The following CLEC20A variants were observed in gnomAD, a reference collection of about 807,000 sequenced individuals.
CLEC20A encodes putative C-type lectin domain family 20 member A.
At chr1:178,489,894 C>G (rs1035069536) in intron 4 of CLEC20A, among the ~76,000 whole-genome samples, 178 bp downstream of exon 4, 1 of 152,224 alleles carries the variant, frequency 6.6e-6, no homozygotes, top group Non-Finnish European at 1.5e-5. Context: ...ATACAACTTC[C>G]TCACAAGTTT....
chr1:178,492,067 A>G (rs1205873849), intron 3 of CLEC20A, among the ~76,000 whole-genome samples: 5 of 152,086 alleles, frequency 3.3e-5, no homozygotes, highest in African/African-American at 1.2e-4. Flanking sequence ...GTGGATCACT[A>G]GAGCCCAGGA....
chr1:178,486,917 C>A (rs1215330254), intron 5 of CLEC20A: 5 of 397,716 alleles, frequency 1.3e-5, no homozygotes, highest in African/African-American at 1.0e-4. Flanking sequence ...GGCTGGAGGG[C>A]CGCTGGGCCC....
chr1:178,487,018 G>C (rs1301638706), intron 5 of CLEC20A: 3 of 392,934 alleles, frequency 7.6e-6, no homozygotes, highest in Non-Finnish European at 1.3e-5. Flanking sequence ...TGCTGAAGCC[G>C]GGCCCTGCGA....
intron 2 of CLEC20A, 106 bp from the exon 3 acceptor site, chr1:178,492,672 T>C: frequency 2.5e-6 from 1 of 398,220 alleles, no homozygotes; most frequent in East Asian, 3.6e-5. Flanking sequence ...GCAGACAGGC[T>C]GGTCCATCCC....
chr1:178,487,663 G>A (rs1022881938), intron 5 of CLEC20A, among the ~76,000 whole-genome samples: 5 of 152,216 alleles, frequency 3.3e-5, no homozygotes, highest in African/African-American at 1.2e-4. Context: ...GGCTGTGAGC[G>A]CCTTCAGAAC....
chr1:178,486,743 C>G, intron 5 of CLEC20A: 1 of 396,530 alleles, frequency 2.5e-6, no homozygotes, highest in East Asian at 3.6e-5. Context: ...GAGAGGCTCC[C>G]CCGAGAGGCC....
upstream of CLEC20A, among the ~76,000 whole-genome samples, chr1:178,497,435 GA>G (rs1433459794): frequency 6.6e-6 from 1 of 152,212 alleles, no homozygotes; most frequent in Non-Finnish European, 1.5e-5. Context: ...TAGGTCATGA[GA>G]ATCCCCCATT....
chr1:178,481,896 A>G (rs1263404571), intron 7 of CLEC20A: 1 of 154,628 alleles, frequency 6.5e-6, no homozygotes, highest in East Asian at 1.9e-4. Flanking sequence ...TATGGAATAT[A>G]TCATTTAATC....
upstream of CLEC20A, among the ~76,000 whole-genome samples, chr1:178,497,733 T>C (rs774127121): frequency 2.4e-4 from 37 of 152,168 alleles, no homozygotes; most frequent in Non-Finnish European, 3.7e-4. Flanking sequence ...TAATCTGCCT[T>C]TTGCAAGTTG....
At chr1:178,486,910 T>C in intron 5 of CLEC20A, 1 of 397,992 alleles carries the variant, frequency 2.5e-6, no homozygotes, top group Non-Finnish European at 4.4e-6. Flanking sequence ...CCCTTGGGGC[T>C]GGAGGGCCGC....
rs144476150 is a variant in CLEC20A at position 178,487,479 on chromosome 1, C to T, written c.928+1022G>A. 1.3e-4 allele frequency among the ~76,000 whole-genome samples: 20 copies of T among 152,294 alleles called. No homozygotes were observed. The East Asian group carries it at 3.7e-3, about 28-fold the overall frequency. On this transcript the variant is annotated intron_variant, in intron 5 of 7. Coordinates refer to ENST00000623247, the Ensembl canonical transcript of CLEC20A. The stretch of plus-strand genomic sequence containing the variant: ...TGCAGCTCCTTCCATCTGCAGTCCT[C>T]ACCCAGCCACGCACCCCCACTCCAC...
At chr1:178,488,390 T>C (rs965977609) in intron 5 of CLEC20A, 111 bp downstream of exon 5, 15 of 397,166 alleles carry the variant, frequency 3.8e-5, no homozygotes, top group Non-Finnish European at 6.6e-5. Context: ...TCACCCCTTT[T>C]CTAGGCATAC....
chr1:178,484,329 C>CTGAAAA (rs1649079236), intron 5 of CLEC20A: 1 of 152,180 alleles, frequency 6.6e-6, no homozygotes, highest in Non-Finnish European at 1.5e-5. Flanking sequence ...CTGTTTTTCC[C>CTGAAAA]ACATTCTCAG....
At chr1:178,484,378 CA>C (rs1045467463) in intron 5 of CLEC20A, 2 of 152,052 alleles carry the variant, frequency 1.3e-5, no homozygotes, top group Non-Finnish European at 2.9e-5. Flanking sequence ...CTGTTAAGTA[CA>C]AAAATACATT....
At chr1:178,487,037 C>T (rs1649165395) in intron 5 of CLEC20A, 2 of 389,982 alleles carry the variant, frequency 5.1e-6, no homozygotes, top group African/African-American at 4.1e-5. Flanking sequence ...GAGGCGCCCA[C>T]GGGGCCGGTG....
chr1:178,491,928 C>G (rs562964858), intron 3 of CLEC20A, among the ~76,000 whole-genome samples: 79 of 152,260 alleles, frequency 5.2e-4, no homozygotes, highest in African/African-American at 1.8e-3. Flanking sequence ...CATCCACTGT[C>G]TGATTCTAGT....
At chr1:178,497,622 A>G (rs994460061), upstream of CLEC20A, among the ~76,000 whole-genome samples, 7 of 152,228 alleles carry the variant, frequency 4.6e-5, no homozygotes, top group South Asian at 2.1e-4. Flanking sequence ...GAACCTAAGC[A>G]TAAAAACGAA....
chr1:178,487,250 C>A, intron 5 of CLEC20A, among the ~76,000 whole-genome samples: 1 of 152,326 alleles, frequency 6.6e-6, no homozygotes, highest in Non-Finnish European at 1.5e-5. Flanking sequence ...AGGTGGCCAG[C>A]GAGCCTGGGG....
intron 3 of CLEC20A, among the ~76,000 whole-genome samples, chr1:178,492,188 G>A (rs934557760): frequency 3.9e-5 from 6 of 152,164 alleles, no homozygotes; most frequent in Non-Finnish European, 7.3e-5. Context: ...AGGAGGCTGA[G>A]GCAGGAGGAT....
Sources: allele counts gnomAD v4.1 joint callset (sites outside exome capture counted in the v4.1 genomes callset), GRCh38; gene constraint gnomAD v4.1.1; transcripts MANE v1.5; gene names NCBI Gene and HGNC (gene_info 2026-07-23, HGNC 2026-07-21).